The following RAB3IL1 variants were observed in gnomAD, a reference collection of about 807,000 sequenced individuals.
RAB3IL1 encodes the protein guanine nucleotide exchange factor for Rab-3A.
In RAB3IL1, 37 loss-of-function variants were observed where a neutral mutation model predicts 49.2. The ratio of observed to expected loss-of-function variants is 0.75; its 90% CI spans 0.58 to 0.99. RAB3IL1 has a LOEUF of 0.99. Ranked by LOEUF, RAB3IL1 falls within the 50% of genes least tolerant of loss-of-function variation. The pLI is 0.00. For synonymous variants in RAB3IL1, 193 were observed against 213.9 expected, an observed-to-expected ratio of 0.90 and a Z score of 0.85; for missense variants, 484 against 513.0, an observed-to-expected ratio of 0.94 and a Z score of 0.55.
intron 1 of RAB3IL1, among the ~76,000 whole-genome samples, chr11:61,911,735 C>T (rs1426554276): frequency 6.6e-6 from 1 of 152,190 alleles, no homozygotes; most frequent in African/African-American, 2.4e-5. Context: ...GAGTCAAGGT[C>T]AGAGGTAGAT....
rs1451181252 is a variant in RAB3IL1 at position 61,908,143 on chromosome 11, G to A, written c.175C>T (p.Leu59=). The stretch of plus-strand genomic sequence containing the variant: ...GAGCTGCGCAGGCGCAACACGTCCA[G>A]CTGGGCGGCTGCGGGGCCCTCCTGG... ...QGQEGPAAAQ[L]DVLRLRSSSM... Residue 59 remains leucine, a synonymous_variant, in exon 2 of 10, where the codon CTG becomes TTG. Coordinates refer to ENST00000394836, the MANE Select transcript of RAB3IL1 (RefSeq NM_013401.4). 6.3e-7 allele frequency: 1 copy of A among 1,582,112 alleles called. No individual in the cohort carries two copies. Among genetic ancestry groups the A allele is most frequent in the Admixed American group, 1.8e-5 (1 of 56,376 alleles).
rs180789916 is a variant in RAB3IL1 at position 61,914,916 on chromosome 11, G to A, written c.11+2441C>T. On this transcript the variant is annotated intron_variant, in intron 1 of 9. Coordinates refer to ENST00000394836, the MANE Select transcript of RAB3IL1 (RefSeq NM_013401.4). ...AGAGCTGTCATCAGACTTGGTCAGAGTAACCTGGCAAGTATGACTCTGAAC... is the reference window on the plus strand; with the variant it reads ...AGAGCTGTCATCAGACTTGGTCAGAATAACCTGGCAAGTATGACTCTGAAC... Among the ~76,000 whole-genome samples the A allele has an allele frequency of 2.0e-5, 3 of 152,306 alleles. No individual in the cohort carries two copies. In the East Asian group the frequency reaches 5.8e-4, roughly 29 times the overall value.
the RAB3IL1 span, among the ~76,000 whole-genome samples, chr11:61,927,301 A>G: frequency 3.9e-5 from 6 of 152,136 alleles, no homozygotes; most frequent in Non-Finnish European, 7.4e-5. Flanking sequence ...TGCTTCCCGT[A>G]CAGTTGGCAG....
At chr11:61,899,081 G>T in intron 9 of RAB3IL1, 2 of 588,446 alleles carry the variant, frequency 3.4e-6, no homozygotes, top group Non-Finnish European at 6.1e-6. Context: ...TGGCCCCCTT[G>T]TGCGGGGCCG....
chr11:61,917,229 G>A, intron 1 of RAB3IL1, 128 bp downstream of exon 1: 1 of 1,261,806 alleles, frequency 7.9e-7, no homozygotes, highest in Non-Finnish European at 1.0e-6. Context: ...TCGCCTGCAG[G>A]CAGGGCGGGG....
chr11:61,936,832 A>T, the RAB3IL1 span, among the ~76,000 whole-genome samples: 4 of 152,198 alleles, frequency 2.6e-5, no homozygotes, highest in Non-Finnish European at 4.4e-5. Flanking sequence ...TATAACTAAG[A>T]TTTCTATATC....
the RAB3IL1 span, among the ~76,000 whole-genome samples, chr11:61,934,812 G>GATTTTTATCACT: frequency 2.6e-5 from 4 of 151,854 alleles, no homozygotes; most frequent in Admixed American, 2.6e-4. Flanking sequence ...CACTGTTCTA[G>GATTTTTATCACT]GTATTTAAGA....
chr11:61,920,412 C>T, upstream of RAB3IL1: 1 of 522,338 alleles, frequency 1.9e-6, no homozygotes, highest in Non-Finnish European at 2.9e-6. Flanking sequence ...ACACTGGGCC[C>T]TCCTTCCTGG....
chr11:61,908,709 G>A (rs771007982), intron 1 of RAB3IL1, among the ~76,000 whole-genome samples: 3 of 152,196 alleles, frequency 2.0e-5, no homozygotes, highest in Non-Finnish European at 4.4e-5. Flanking sequence ...CAGAGGAGGT[G>A]TGGGTAAAAC....
chr11:61,910,244 G>A (rs548572039), intron 1 of RAB3IL1, among the ~76,000 whole-genome samples: 2 of 152,286 alleles, frequency 1.3e-5, no homozygotes, highest in East Asian at 3.9e-4. Context: ...TGGAATCGGC[G>A]CATCTGCTTC....
chr11:61,926,442 G>A, the RAB3IL1 span, among the ~76,000 whole-genome samples: 2 of 152,194 alleles, frequency 1.3e-5, no homozygotes, highest in African/African-American at 2.4e-5. Flanking sequence ...ATTTCACATT[G>A]AAATATGATC....
the RAB3IL1 span, among the ~76,000 whole-genome samples, chr11:61,934,442 G>GTGTGTGTA: frequency 0.058 from 1,044 of 18,058 alleles, 16 homozygotes; most frequent in Non-Finnish European, 0.081. Flanking sequence ...GTGTGTGTGT[G>GTGTGTGTA]TGTGTATGTA....
At chr11:61,918,973 G>A (rs997435155), upstream of RAB3IL1, among the ~76,000 whole-genome samples, 11 of 152,130 alleles carry the variant, frequency 7.2e-5, no homozygotes, top group Non-Finnish European at 1.5e-4. Flanking sequence ...CCCCAGCCCA[G>A]CTCAGGGTCT....
At chr11:61,931,423 A>T in the RAB3IL1 span, among the ~76,000 whole-genome samples, 1 of 152,188 alleles carries the variant, frequency 6.6e-6, no homozygotes. Flanking sequence ...AAGAAGAGAG[A>T]TCTAAGACGA....
the RAB3IL1 span, among the ~76,000 whole-genome samples, chr11:61,937,153 GAT>G: frequency 1.3e-5 from 2 of 152,030 alleles, no homozygotes; most frequent in African/African-American, 4.8e-5. Context: ...AATCTATGTT[GAT>G]GGGCATGTAA....
At chr11:61,924,705 G>A (rs528806622), upstream of RAB3IL1, among the ~76,000 whole-genome samples, 5 of 152,270 alleles carry the variant, frequency 3.3e-5, no homozygotes, top group South Asian at 2.1e-4. Context: ...GGTGAGGGCC[G>A]GGAAGTGCTG....
chr11:61,920,159 C>T (rs61746662), upstream of RAB3IL1: 2,139 of 1,326,288 alleles, frequency 1.6e-3, 21 homozygotes, highest in African/African-American at 0.026. Context: ...GTCCCTCGGG[C>T]GGGGCACCCA....
At chr11:61,910,202 G>C (rs112060295) in intron 1 of RAB3IL1, among the ~76,000 whole-genome samples, 2,037 of 152,292 alleles carry the variant, frequency 0.013, 45 homozygotes, top group African/African-American at 0.046. Flanking sequence ...CCCGCTGCAG[G>C]GGAAGGGCAG....
chr11:61,933,464 A>G, the RAB3IL1 span, among the ~76,000 whole-genome samples: 1 of 152,142 alleles, frequency 6.6e-6, no homozygotes, highest in African/African-American at 2.4e-5. Flanking sequence ...AGGCCCAGTA[A>G]TACTGATTTT....
Sources: allele counts gnomAD v4.1 joint callset (sites outside exome capture counted in the v4.1 genomes callset), GRCh38; gene constraint gnomAD v4.1.1; transcripts MANE v1.5; gene names NCBI Gene and HGNC (gene_info 2026-07-23, HGNC 2026-07-21).